CCDC149: variants seen among roughly 807,000 people sequenced by gnomAD.
The protein encoded by CCDC149 is coiled-coil domain containing 149.
In CCDC149, 45 loss-of-function variants were observed where a neutral mutation model predicts 59.9. The observed-to-expected ratio is 0.75, with a 90% confidence interval of 0.59 to 0.96. The LOEUF (loss-of-function observed/expected upper bound fraction) is 0.96. Ranked by LOEUF, CCDC149 falls within the 40% of genes least tolerant of loss-of-function variation. The pLI, the probability that CCDC149 is intolerant of heterozygous loss-of-function variation, is 0.00. For synonymous variants in CCDC149, 245 were observed against 260.6 expected (o/e 0.94, Z 0.58); for missense variants, 584 against 664.7 (o/e 0.88, Z 1.33).
intron 10 of CCDC149, among the ~76,000 whole-genome samples, chr4:24,821,859 C>A (rs1162499026): frequency 6.6e-6 from 1 of 152,058 alleles, no homozygotes; most frequent in African/African-American, 2.4e-5. Context: ...AATACCAGAG[C>A]TTCCAAACAC....
At chr4:24,871,724 C>T (rs2109233995) in intron 3 of CCDC149, among the ~76,000 whole-genome samples, 1 of 152,314 alleles carries the variant, frequency 6.6e-6, no homozygotes, top group East Asian at 1.9e-4. Flanking sequence ...ACTCTCAATC[C>T]TAAAGGGACA....
At chr4:24,901,664 C>T (rs1721177473) in intron 1 of CCDC149, among the ~76,000 whole-genome samples, 1 of 152,148 alleles carries the variant, frequency 6.6e-6, no homozygotes, top group Non-Finnish European at 1.5e-5. Context: ...CCAGTAAGCA[C>T]TAATCTTCCT....
intron 1 of CCDC149, among the ~76,000 whole-genome samples, chr4:24,965,835 C>T (rs1723778817): frequency 6.6e-6 from 1 of 152,252 alleles, no homozygotes; most frequent in Admixed American, 6.5e-5. Flanking sequence ...CAGCATGACT[C>T]AGCAGGTTTG....
intron 1 of CCDC149, among the ~76,000 whole-genome samples, chr4:24,908,531 C>CAAA (rs5856870): frequency 8.7e-6 from 1 of 115,344 alleles, no homozygotes. Context: ...TCTATCTCTA[C>CAAA]AAAAAAAAAA....
intron 3 of CCDC149, among the ~76,000 whole-genome samples, chr4:24,857,414 T>A (rs958032840): frequency 4.6e-5 from 7 of 152,228 alleles, no homozygotes; most frequent in African/African-American, 1.7e-4. Context: ...GTCAAATTGC[T>A]ATAAAAGTTT....
chr4:24,900,885 T>C (rs778613100), intron 1 of CCDC149, among the ~76,000 whole-genome samples: 1 of 152,026 alleles, frequency 6.6e-6, no homozygotes, highest in Non-Finnish European at 1.5e-5. Flanking sequence ...CCAGAATGCA[T>C]GGCAGATCAT....
At chr4:24,918,048 GA>G (rs575468946) in intron 1 of CCDC149, among the ~76,000 whole-genome samples, 9 of 149,300 alleles carry the variant, frequency 6.0e-5, no homozygotes, top group South Asian at 2.1e-4. Context: ...GAAGCCTTAT[GA>G]AAAAAAAAAT....
chr4:24,879,750 TA>T (rs1317048503), intron 1 of CCDC149, among the ~76,000 whole-genome samples: 2 of 152,056 alleles, frequency 1.3e-5, no homozygotes, highest in Non-Finnish European at 1.5e-5. Context: ...GGATGCTTGT[TA>T]AAATGCAGAC....
intron 12 of CCDC149, among the ~76,000 whole-genome samples, chr4:24,813,082 C>G (rs1480514105): frequency 1.3e-5 from 2 of 152,048 alleles, no homozygotes; most frequent in Non-Finnish European, 2.9e-5. Flanking sequence ...TTGGGAGGTA[C>G]TCAGGGTTAG....
At chr4:24,815,365 A>G (rs1365198023) in intron 12 of CCDC149, among the ~76,000 whole-genome samples, 1 of 152,154 alleles carries the variant, frequency 6.6e-6, no homozygotes, top group Non-Finnish European at 1.5e-5. Flanking sequence ...ACAGATGAAA[A>G]TTTTTATAGT....
At chr4:24,849,498 T>C (rs979247206) in intron 4 of CCDC149, among the ~76,000 whole-genome samples, 2 of 152,084 alleles carry the variant, frequency 1.3e-5, no homozygotes, top group African/African-American at 2.4e-5. Flanking sequence ...GCTCCCCCCA[T>C]CACAGGACGC....
intron 1 of CCDC149, among the ~76,000 whole-genome samples, chr4:24,934,418 CTG>C (rs1013587614): frequency 1.3e-5 from 2 of 152,160 alleles, no homozygotes; most frequent in African/African-American, 4.8e-5. Flanking sequence ...CCATGTGGAA[CTG>C]TAAGTTAATT....
intron 1 of CCDC149, among the ~76,000 whole-genome samples, chr4:24,940,988 G>A (rs1282363006): frequency 6.6e-6 from 1 of 152,168 alleles, no homozygotes; most frequent in Non-Finnish European, 1.5e-5. Context: ...ACAGGTCAAT[G>A]AGACAGAAAG....
chr4:24,886,000 T>C (rs2109271992), intron 1 of CCDC149, among the ~76,000 whole-genome samples: 1 of 152,338 alleles, frequency 6.6e-6, no homozygotes, highest in Admixed American at 6.5e-5. Context: ...ATATTTAATC[T>C]ATATGGCCAC....
chr4:24,944,334 G>A (rs1296784765), intron 1 of CCDC149, among the ~76,000 whole-genome samples: 9 of 151,760 alleles, frequency 5.9e-5, no homozygotes, highest in African/African-American at 2.2e-4. Flanking sequence ...TCACTTATAG[G>A]TGGGAATTGA....
At chr4:24,883,982 A>G (rs2109266963) in intron 1 of CCDC149, among the ~76,000 whole-genome samples, 1 of 152,302 alleles carries the variant, frequency 6.6e-6, no homozygotes, top group Middle Eastern at 3.4e-3. Flanking sequence ...GGTTCAACAC[A>G]TTACCTGTGT....
intron 1 of CCDC149, among the ~76,000 whole-genome samples, chr4:24,947,222 G>A (rs947921636): frequency 1.3e-5 from 2 of 152,084 alleles, no homozygotes; most frequent in Non-Finnish European, 2.9e-5. Flanking sequence ...ATCCCCACAT[G>A]TCATGGGAGG....
In CCDC149 at chr4:24,873,696, A is replaced by G; in HGVS notation, c.249T>C (p.Pro83=). 1 of 1,609,848 alleles carries G rather than the reference A, an allele frequency of 6.2e-7. No homozygotes were observed. Among genetic ancestry groups the G allele is most frequent in the Non-Finnish European group, 8.5e-7 (1 of 1,176,686 alleles). The change falls in exon 3 of 13, where the codon CCT becomes CCC. Residue 83 remains proline, a synonymous_variant. Coordinates refer to ENST00000635206, the MANE Select transcript of CCDC149 (RefSeq NM_001330643.2). ...TAAGTCTTACCTGTTTCCTTTTTTC[A>G]GGAGGAAGTGATGGATCTCCATCCT...
chr4:24,849,360 G>A (rs1407635468), intron 4 of CCDC149, among the ~76,000 whole-genome samples: 11 of 152,204 alleles, frequency 7.2e-5, no homozygotes, highest in African/African-American at 2.7e-4. Flanking sequence ...TAAGGAAGGG[G>A]ATGGTATCCA....
Sources: gnomAD v4.1 joint callset for allele counts (sites outside exome capture counted in the v4.1 genomes callset) on GRCh38, gnomAD v4.1.1 for gene constraint, MANE v1.5 for transcripts, NCBI Gene and HGNC (gene_info 2026-07-23, HGNC 2026-07-21) for gene names.